The following FHIP1A variants were observed in gnomAD, a reference collection of about 807,000 sequenced individuals.
FHIP1A encodes the protein FHF complex subunit HOOK interacting protein 1A.
In FHIP1A, 61 loss-of-function variants were observed where a neutral mutation model predicts 88.6. That is an observed-to-expected ratio of 0.69 (90% confidence interval 0.56 to 0.85). The LOEUF (loss-of-function observed/expected upper bound fraction) is 0.85, where lower values mean the gene tolerates loss of function less well. Ranked by LOEUF, FHIP1A falls within the 40% of genes least tolerant of loss-of-function variation. The probability of loss-of-function intolerance (pLI) is 0.00; values close to 1 mark genes in which losing one functional copy is unlikely to be tolerated. For synonymous variants in FHIP1A, 478 were observed against 496.0 expected, an observed-to-expected ratio of 0.96 and a Z score of 0.48; for missense variants, 1,154 against 1,273.5, an observed-to-expected ratio of 0.91 and a Z score of 1.43.
At chr4:151,511,372 A>G (rs1731022652) in intron 3 of FHIP1A, among the ~76,000 whole-genome samples, 1 of 152,170 alleles carries the variant, frequency 6.6e-6, no homozygotes, top group Non-Finnish European at 1.5e-5. Context: ...AAGACGGGCG[A>G]TTTCTGCATT....
At chr4:151,575,225 T>G (rs1347989742) in intron 4 of FHIP1A, among the ~76,000 whole-genome samples, 1 of 152,234 alleles carries the variant, frequency 6.6e-6, no homozygotes. Context: ...ATATGGACTT[T>G]GAAATTATAG....
intron 2 of FHIP1A, among the ~76,000 whole-genome samples, chr4:151,463,636 T>C (rs1208610178): frequency 6.6e-6 from 1 of 152,236 alleles, no homozygotes; most frequent in African/African-American, 2.4e-5. Context: ...TCTACAGTAA[T>C]GATCCTAGTA....
chr4:151,644,903 A>T (rs1203029660), intron 9 of FHIP1A, among the ~76,000 whole-genome samples: 1 of 152,174 alleles, frequency 6.6e-6, no homozygotes, highest in African/African-American at 2.4e-5. Context: ...GGGTTCACAC[A>T]GAGGTGCGAG....
intron 3 of FHIP1A, among the ~76,000 whole-genome samples, chr4:151,519,904 C>T (rs1560744990): frequency 6.6e-6 from 1 of 152,090 alleles, no homozygotes; most frequent in African/African-American, 2.4e-5. Flanking sequence ...TTCGTATATC[C>T]TCTTTTTTGA....
chr4:151,552,378 T>C (rs1732772471), intron 3 of FHIP1A, among the ~76,000 whole-genome samples: 1 of 152,184 alleles, frequency 6.6e-6, no homozygotes, highest in South Asian at 2.1e-4. Context: ...CATGCACATA[T>C]ATGTTTATTG....
At chr4:151,427,990 A>G (rs1298148168) in intron 1 of FHIP1A, among the ~76,000 whole-genome samples, 4 of 152,282 alleles carry the variant, frequency 2.6e-5, no homozygotes, top group South Asian at 4.1e-4. Flanking sequence ...TATGTACCCT[A>G]TAATAAAGGA....
intron 13 of FHIP1A, among the ~76,000 whole-genome samples, chr4:151,659,622 T>C (rs899439356): frequency 6.6e-6 from 1 of 152,178 alleles, no homozygotes; most frequent in Non-Finnish European, 1.5e-5. Flanking sequence ...CAGAAGCCAT[T>C]CCTAATTCTG....
intron 1 of FHIP1A, among the ~76,000 whole-genome samples, chr4:151,443,559 A>G (rs1276682499): frequency 6.6e-6 from 1 of 151,930 alleles, no homozygotes; most frequent in Non-Finnish European, 1.5e-5. Context: ...TATTCATAAT[A>G]AGGAAAGAAA....
intron 10 of FHIP1A, among the ~76,000 whole-genome samples, chr4:151,647,849 A>G (rs1047495759): frequency 4.6e-5 from 7 of 152,244 alleles, no homozygotes; most frequent in Non-Finnish European, 1.0e-4. Context: ...AGTTAAACCT[A>G]TGATTCTCCA....
At chr4:151,417,446 A>G (rs887673955) in intron 1 of FHIP1A, among the ~76,000 whole-genome samples, 2 of 152,220 alleles carry the variant, frequency 1.3e-5, no homozygotes, top group African/African-American at 4.8e-5. Context: ...AAGTTACAAA[A>G]TTATATTTCT....
chr4:151,537,159 T>C (rs1404818578), intron 3 of FHIP1A, among the ~76,000 whole-genome samples: 1 of 152,132 alleles, frequency 6.6e-6, no homozygotes, highest in Non-Finnish European at 1.5e-5. Flanking sequence ...ATCACAGGTG[T>C]GAGCCATTGT....
intron 2 of FHIP1A, among the ~76,000 whole-genome samples, chr4:151,462,816 C>G (rs1729185996): frequency 6.6e-6 from 1 of 152,130 alleles, no homozygotes; most frequent in African/African-American, 2.4e-5. Context: ...AAGCTGGTTA[C>G]TTTCTCTGAT....
rs1728768687 is a variant in FHIP1A at position 151,450,932 on chromosome 4, C to A, written c.-355-3769C>A. ...AGTTGGGATTACAAGTGTGTGCCAC[C>A]ATGCTTGGCTAATTTTTGTATTTTT... On this transcript the variant is annotated intron_variant, in intron 1 of 13. Transcript: ENST00000435205. Among the ~76,000 whole-genome samples the A allele has an allele frequency of 2.0e-5, 3 of 151,986 alleles. No individual in the cohort carries two copies. The South Asian group carries it at 6.2e-4, about 32-fold the overall frequency.
chr4:151,598,648 C>T (rs1464810386), intron 7 of FHIP1A, among the ~76,000 whole-genome samples: 2 of 152,192 alleles, frequency 1.3e-5, no homozygotes, highest in Non-Finnish European at 2.9e-5. Context: ...CTCTCTGTCT[C>T]ATAAATAATA....
intron 1 of FHIP1A, among the ~76,000 whole-genome samples, chr4:151,418,548 T>C (rs979300191): frequency 6.6e-6 from 1 of 152,212 alleles, no homozygotes; most frequent in African/African-American, 2.4e-5. Context: ...TGAGTAGTTT[T>C]GACAGGATTT....
intron 7 of FHIP1A, among the ~76,000 whole-genome samples, chr4:151,589,639 G>A (rs916115745): frequency 1.3e-5 from 2 of 152,182 alleles, no homozygotes; most frequent in South Asian, 2.1e-4. Context: ...GAAGCAAAGA[G>A]CAACTTGATC....
intron 3 of FHIP1A, among the ~76,000 whole-genome samples, chr4:151,543,922 TAG>T (rs1732390565): frequency 6.6e-6 from 1 of 152,210 alleles, no homozygotes; most frequent in Admixed American, 6.5e-5. Context: ...ATTACTTCTG[TAG>T]TGGAAAACTC....
chr4:151,528,588 T>G (rs1263662175), intron 3 of FHIP1A, among the ~76,000 whole-genome samples: 4 of 152,208 alleles, frequency 2.6e-5, no homozygotes, highest in Admixed American at 2.0e-4. Flanking sequence ...TAAGGCTTCA[T>G]GTAATGGCTC....
rs1736461163 is a variant in FHIP1A, at chr4:151,638,756, G to A, written c.1226G>A (p.Arg409Lys). ...GATGTGATGTTACAGCTAGTTCTAA[G>A]GTGAGTTGCCTTTTTTGTTTCCTTT... ...CEDVMLQLVL[R>K]YLIPCNHMML... The change falls in exon 9 of 14, where the codon AGG becomes AAG. Residue 409 changes from arginine (R) to lysine (K), a missense_variant and splice_region_variant. Transcript: ENST00000435205. 2.0e-6 allele frequency: 3 copies of A among 1,534,770 alleles called. No homozygotes were observed. The highest frequency in any genetic ancestry group is 1.7e-4 in the Middle Eastern group (1 of 5,942).
Sources: allele counts gnomAD v4.1 joint callset (sites outside exome capture counted in the v4.1 genomes callset), GRCh38; gene constraint gnomAD v4.1.1; transcripts MANE v1.5; gene names NCBI Gene and HGNC (gene_info 2026-07-23, HGNC 2026-07-21).